Variants in MAST4 observed in about 807,000 individuals in gnomAD.
MAST4 encodes microtubule-associated serine/threonine-protein kinase 4.
MAST4 carries 89 observed loss-of-function variants against 162.7 expected under a neutral mutation model. The observed-to-expected ratio is 0.55, with a 90% confidence interval of 0.46 to 0.65. The LOEUF is 0.65. Ranked by LOEUF, MAST4 falls within the 30% of genes least tolerant of loss-of-function variation. The pLI is 0.00. For synonymous variants in MAST4, 1,479 were observed against 1,361.1 expected (o/e 1.09, Z -1.91); for missense variants, 3,153 against 3,374.0 (o/e 0.93, Z 1.62).
intron 6 of MAST4, among the ~76,000 whole-genome samples, chr5:67,090,540 C>A (rs1290190779): frequency 6.8e-6 from 1 of 146,446 alleles, no homozygotes; most frequent in Non-Finnish European, 1.5e-5. Context: ...GCCCCACTGG[C>A]CAAAGAGCTT....
chr5:66,677,959 G>A (rs1299630090), intron 1 of MAST4, among the ~76,000 whole-genome samples: 1 of 152,120 alleles, frequency 6.6e-6, no homozygotes, highest in African/African-American at 2.4e-5. Context: ...AGTTTTTCTG[G>A]CAGTGGGACC....
Position 67,114,075 on chromosome 5 carries a change from G to A in MAST4, c.1459-12G>A. On this transcript the variant is annotated splice_polypyrimidine_tract_variant and intron_variant, in intron 11 of 28. Coordinates refer to ENST00000403625, the MANE Select transcript of MAST4 (RefSeq NM_001164664.2). ...CTCAAAGAAGTATCCATCTGTGATTGTCTTCGGCTAGGAATTTGATCCGGA... is the reference window on the plus strand; with the variant it reads ...CTCAAAGAAGTATCCATCTGTGATTATCTTCGGCTAGGAATTTGATCCGGA... The A allele has an allele frequency of 6.2e-7, 1 of 1,613,594 alleles. No homozygotes were observed. Among genetic ancestry groups the A allele is most frequent in the Non-Finnish European group, 8.5e-7 (1 of 1,179,768 alleles).
chr5:67,142,312 T>G, intron 20 of MAST4, 75 bp downstream of exon 20: 2 of 1,567,502 alleles, frequency 1.3e-6, no homozygotes, highest in South Asian at 2.3e-5. Context: ...TTGAACCTTT[T>G]CATATCTCTG....
intron 1 of MAST4, among the ~76,000 whole-genome samples, chr5:66,717,727 C>T (rs1241892153): frequency 6.6e-6 from 1 of 152,170 alleles, no homozygotes; most frequent in Non-Finnish European, 1.5e-5. Flanking sequence ...AGGTGTTGTT[C>T]CCCCACCCCT....
intron 5 of MAST4, among the ~76,000 whole-genome samples, chr5:67,089,368 C>T (rs1431626581): frequency 6.6e-6 from 1 of 152,166 alleles, no homozygotes; most frequent in Non-Finnish European, 1.5e-5. Context: ...AAGTAACAAG[C>T]CCCAGAGGAG....
chr5:67,141,308 T>C (rs1770384590), intron 19 of MAST4, among the ~76,000 whole-genome samples: 1 of 152,184 alleles, frequency 6.6e-6, no homozygotes, highest in South Asian at 2.1e-4. Flanking sequence ...CTTTGTTATC[T>C]CTCTCTTCAA....
chr5:66,830,561 GGATGA>G (rs771348884), intron 3 of MAST4, among the ~76,000 whole-genome samples: 25 of 152,218 alleles, frequency 1.6e-4, no homozygotes, highest in Non-Finnish European at 3.2e-4. Flanking sequence ...TTTCTCTTCT[GGATGA>G]GATAAGTCTT....
chr5:67,141,337 C>G (rs1770388281), intron 19 of MAST4, among the ~76,000 whole-genome samples: 3 of 152,094 alleles, frequency 2.0e-5, no homozygotes, highest in Admixed American at 2.0e-4. Flanking sequence ...GTGCTGGTGG[C>G]AGGGCGGGGA....
At chr5:66,967,159 G>C (rs1021072081) in intron 4 of MAST4, among the ~76,000 whole-genome samples, 8 of 152,202 alleles carry the variant, frequency 5.3e-5, no homozygotes, top group Non-Finnish European at 1.0e-4. Flanking sequence ...TCATGGTGGG[G>C]CTTAAAGGTC....
intron 3 of MAST4, among the ~76,000 whole-genome samples, chr5:66,860,606 T>C (rs1268357034): frequency 1.3e-4 from 18 of 136,806 alleles, no homozygotes; most frequent in Middle Eastern, 3.4e-3. Flanking sequence ...GATCACCTTT[T>C]TCGTTTTTTT....
intron 3 of MAST4, among the ~76,000 whole-genome samples, chr5:66,836,235 C>T (rs2149773067): frequency 6.6e-6 from 1 of 151,452 alleles, no homozygotes; most frequent in African/African-American, 2.4e-5. Flanking sequence ...AAAATAGTGT[C>T]AAGTGAAAAA....
intron 4 of MAST4, among the ~76,000 whole-genome samples, chr5:66,928,726 G>C (rs1196244885): frequency 1.3e-5 from 2 of 152,180 alleles, no homozygotes; most frequent in Non-Finnish European, 2.9e-5. Context: ...TGGGGAAATA[G>C]GGGTTGGTCA....
chr5:66,737,346 A>G (rs1363102565), intron 1 of MAST4, among the ~76,000 whole-genome samples: 1 of 152,160 alleles, frequency 6.6e-6, no homozygotes, highest in Non-Finnish European at 1.5e-5. Flanking sequence ...GTCCTCATCA[A>G]TGAGAGAAAA....
At chr5:66,843,020 C>T (rs543648301) in intron 3 of MAST4, among the ~76,000 whole-genome samples, 1 of 152,214 alleles carries the variant, frequency 6.6e-6, no homozygotes, top group South Asian at 2.1e-4. Context: ...TAAATGAACT[C>T]CTCCGTGTGT....
chr5:66,852,024 G>A (rs922538712), intron 3 of MAST4, among the ~76,000 whole-genome samples: 1 of 152,106 alleles, frequency 6.6e-6, no homozygotes, highest in African/African-American at 2.4e-5. Context: ...CAATGTGGTG[G>A]ACTATTTTGA....
chr5:66,826,727 G>A (rs1039450052), intron 3 of MAST4, among the ~76,000 whole-genome samples: 5 of 152,120 alleles, frequency 3.3e-5, no homozygotes, highest in African/African-American at 1.2e-4. Flanking sequence ...GTGTATATGA[G>A]TACACCATGC....
intron 4 of MAST4, among the ~76,000 whole-genome samples, chr5:66,980,465 G>C (rs1203929915): frequency 6.6e-6 from 1 of 152,190 alleles, no homozygotes; most frequent in African/African-American, 2.4e-5. Flanking sequence ...GCTAGTCAAA[G>C]CTAAAAGGGA....
At chr5:66,791,482 C>G (rs1251424784) in intron 3 of MAST4, among the ~76,000 whole-genome samples, 1 of 152,160 alleles carries the variant, frequency 6.6e-6, no homozygotes, top group East Asian at 1.9e-4. Flanking sequence ...GAGTACCTCC[C>G]AAAATCTATC....
At chr5:66,929,971 C>A (rs560871896) in intron 4 of MAST4, among the ~76,000 whole-genome samples, 1 of 152,320 alleles carries the variant, frequency 6.6e-6, no homozygotes, top group South Asian at 2.1e-4. Flanking sequence ...CAGTTATCTG[C>A]AGCCAATTCT....
Sources: allele counts gnomAD v4.1 joint callset (sites outside exome capture counted in the v4.1 genomes callset), GRCh38; gene constraint gnomAD v4.1.1; transcripts MANE v1.5; gene names NCBI Gene and HGNC (gene_info 2026-07-23, HGNC 2026-07-21).